The following GRM8 variants were observed in gnomAD, a reference collection of about 807,000 sequenced individuals.
The protein encoded by GRM8 is metabotropic glutamate receptor 8.
GRM8 carries 47 observed loss-of-function variants against 87.2 expected under a neutral mutation model. The observed-to-expected ratio is 0.54, with a 90% CI of 0.43 to 0.69. The LOEUF is 0.69. Ranked by LOEUF, GRM8 falls within the 30% of genes least tolerant of loss-of-function variation. The pLI is 0.00. For missense variants in GRM8, 1,019 were observed against 1,139.2 expected (o/e 0.89, Z 1.52); for synonymous variants, 396 against 404.5 (o/e 0.98, Z 0.25).
chr7:126,595,423 A>G (rs138895251), intron 8 of GRM8, among the ~76,000 whole-genome samples: 1 of 69,660 alleles, frequency 1.4e-5, no homozygotes, highest in African/African-American at 3.5e-5. Flanking sequence ...ATTTTATTTT[A>G]TTTTATTATT....
intron 8 of GRM8, among the ~76,000 whole-genome samples, chr7:126,573,105 G>T (rs1794818096): frequency 6.6e-6 from 1 of 152,126 alleles, no homozygotes; most frequent in South Asian, 2.1e-4. Flanking sequence ...CTTTTAAATG[G>T]CCCCAGGTTT....
In GRM8 at chr7:126,685,721, T is replaced by C. The variant is rs1808107334; in HGVS notation, c.1358-76223A>G. ...CACAGGAGGGAGGCACAAGGGGTGC[T>C]GAGGACAGCGGGGTACTGGCCTGCA... is the stretch of plus-strand genomic sequence containing the variant. On this transcript the variant is annotated intron_variant, in intron 7 of 10. Coordinates refer to ENST00000339582, the MANE Select transcript of GRM8 (RefSeq NM_000845.3). The surrounding 1 kb of genome is among the most constrained non-coding windows in gnomAD (Gnocchi z 4.2). 1.3e-5 allele frequency among the ~76,000 whole-genome samples: 2 copies of C among 152,066 alleles called. No homozygotes were observed. Among genetic ancestry groups the C allele is most frequent in the Non-Finnish European group, 2.9e-5 (2 of 67,992 alleles).
chr7:126,979,326 C>T (rs983816900), intron 3 of GRM8, among the ~76,000 whole-genome samples: 8 of 152,130 alleles, frequency 5.3e-5, no homozygotes, highest in African/African-American at 1.7e-4. Context: ...AAAACAAAAA[C>T]CACAGTATAA....
At chr7:126,579,812 T>A (rs1437656322) in intron 8 of GRM8, among the ~76,000 whole-genome samples, 1 of 152,118 alleles carries the variant, frequency 6.6e-6, no homozygotes, top group East Asian at 1.9e-4. Context: ...TTAACTTAAA[T>A]AAGATATTTA....
chr7:126,973,656 C>G (rs932621935), intron 3 of GRM8, among the ~76,000 whole-genome samples: 11 of 152,130 alleles, frequency 7.2e-5, no homozygotes. Flanking sequence ...CACAGTGAGA[C>G]ACCATCCCCC....
chr7:127,053,029 A>G (rs1266656098), intron 3 of GRM8, among the ~76,000 whole-genome samples: 1 of 152,174 alleles, frequency 6.6e-6, no homozygotes, highest in South Asian at 2.1e-4. Context: ...AAGTTTTACT[A>G]ATTTGCACAC....
chr7:127,096,248 T>G (rs958157817), intron 3 of GRM8, among the ~76,000 whole-genome samples: 1 of 152,110 alleles, frequency 6.6e-6, no homozygotes, highest in Admixed American at 6.6e-5. Context: ...CCTGCTGGTG[T>G]AGATGGGCTC....
At position 126,489,487 on chromosome 7, in the gene GRM8, A is replaced by G. The variant is rs77867999; in HGVS notation, c.2431-43115T>C. Among the ~76,000 whole-genome samples, 454 of 152,170 alleles carry G rather than the reference A, an allele frequency of 3.0e-3. 2 individuals are homozygous for G. Among genetic ancestry groups the G allele is most frequent in the African/African-American group, 0.011 (446 of 41,568 alleles). ...TATGTGTGCACAGATTTCATATATA[A>G]TCCACATAAAGCAAAGACGCCTTAT... On this transcript the variant is annotated intron_variant, in intron 9 of 10. Transcript: ENST00000339582.
At chr7:126,831,393 A>G (rs1477450110) in intron 6 of GRM8, among the ~76,000 whole-genome samples, 2 of 152,180 alleles carry the variant, frequency 1.3e-5, no homozygotes, top group Non-Finnish European at 1.5e-5. Context: ...TTACCTAAGC[A>G]AGCCTGGGCA....
intron 3 of GRM8, among the ~76,000 whole-genome samples, chr7:127,082,566 C>T (rs1451398277): frequency 6.6e-6 from 1 of 152,140 alleles, no homozygotes; most frequent in East Asian, 1.9e-4. Context: ...AAGCATTAAG[C>T]TAAGAGGCTA....
At chr7:126,489,919 C>G (rs913993181) in intron 9 of GRM8, among the ~76,000 whole-genome samples, 2 of 151,976 alleles carry the variant, frequency 1.3e-5, no homozygotes, top group Non-Finnish European at 2.9e-5. Flanking sequence ...AATTCCTCCC[C>G]CTCCCCCACC....
intron 3 of GRM8, among the ~76,000 whole-genome samples, chr7:126,987,530 G>A (rs1311710600): frequency 1.3e-5 from 2 of 151,586 alleles, no homozygotes; most frequent in African/African-American, 2.4e-5. Flanking sequence ...GTGCAATCTC[G>A]GCTTACTGCA....
chr7:126,630,961 A>G (rs1240624086), intron 7 of GRM8, among the ~76,000 whole-genome samples: 19 of 152,182 alleles, frequency 1.2e-4, no homozygotes. Flanking sequence ...ATTCCCCTTG[A>G]AAGCTGGCAC....
intron 6 of GRM8, among the ~76,000 whole-genome samples, chr7:126,835,336 G>A (rs1312996133): frequency 6.6e-6 from 1 of 152,134 alleles, no homozygotes; most frequent in Non-Finnish European, 1.5e-5. Flanking sequence ...AGAAAATAAT[G>A]CATAATTCCT....
At chr7:127,182,535 A>G (rs1794507804) in intron 2 of GRM8, among the ~76,000 whole-genome samples, 1 of 152,068 alleles carries the variant, frequency 6.6e-6, no homozygotes, top group African/African-American at 2.4e-5. Context: ...CGAAAAAGAT[A>G]CTTGCACATG....
At chr7:127,075,430 A>G (rs1471506296) in intron 3 of GRM8, among the ~76,000 whole-genome samples, 2 of 152,248 alleles carry the variant, frequency 1.3e-5, no homozygotes, top group Non-Finnish European at 1.5e-5. Flanking sequence ...AAATACACTA[A>G]AATATTTACT....
chr7:126,637,311 G>C (rs1481630391), intron 7 of GRM8, among the ~76,000 whole-genome samples: 1 of 151,960 alleles, frequency 6.6e-6, no homozygotes, highest in African/African-American at 2.4e-5. Context: ...TAACTGTACA[G>C]AATCATATAA....
At chr7:126,478,660 A>G (rs923869200) in intron 9 of GRM8, among the ~76,000 whole-genome samples, 6 of 152,138 alleles carry the variant, frequency 3.9e-5, no homozygotes, top group Admixed American at 3.9e-4. Context: ...TGATATGAGC[A>G]TGCTAATTGA....
At chr7:126,987,858 T>C (rs1358859091) in intron 3 of GRM8, among the ~76,000 whole-genome samples, 1 of 152,198 alleles carries the variant, frequency 6.6e-6, no homozygotes, top group Admixed American at 6.5e-5. Context: ...TAACTTCTTA[T>C]CAAATTACAA....
Sources: gnomAD v4.1 joint callset for allele counts (sites outside exome capture counted in the v4.1 genomes callset) on GRCh38, gnomAD v4.1.1 for gene constraint, Gnocchi (gnomAD v3.1) non-coding constraint, MANE v1.5 for transcripts, NCBI Gene and HGNC (gene_info 2026-07-23, HGNC 2026-07-21) for gene names.